TMCC1: variants seen among roughly 807,000 people sequenced by gnomAD.
TMCC1 encodes the protein transmembrane and coiled-coil domains protein 1.
In TMCC1, 15 loss-of-function variants were observed where a neutral mutation model predicts 52.4. That is an observed-to-expected ratio of 0.29 (90% CI 0.19 to 0.44). The LOEUF (loss-of-function observed/expected upper bound fraction) is 0.44, where lower values mean the gene tolerates loss of function less well. TMCC1 is among the 20% of genes least tolerant of loss of function. The probability of loss-of-function intolerance (pLI) is 1.00; values close to 1 mark genes in which losing one functional copy is unlikely to be tolerated. For synonymous variants in TMCC1, 279 were observed against 301.9 expected (o/e 0.92, Z 0.79); for missense variants, 503 against 806.0 (o/e 0.62, Z 4.55).
intron 2 of TMCC1, among the ~76,000 whole-genome samples, chr3:129,851,906 T>C (rs969717552): frequency 7.2e-5 from 11 of 152,104 alleles, no homozygotes; most frequent in African/African-American, 2.2e-4. Flanking sequence ...TCCCAGCACT[T>C]TGGGAGGCTG....
At chr3:129,863,046 C>G (rs908053258) in intron 2 of TMCC1, among the ~76,000 whole-genome samples, 1 of 152,284 alleles carries the variant, frequency 6.6e-6, no homozygotes, top group Middle Eastern at 3.4e-3. Context: ...TCATTGTCTT[C>G]TCCATATGAA....
At chr3:129,731,278 T>C (rs2050515920) in intron 4 of TMCC1, among the ~76,000 whole-genome samples, 1 of 152,216 alleles carries the variant, frequency 6.6e-6, no homozygotes, top group African/African-American at 2.4e-5. Context: ...CACTCATTAT[T>C]AAACTCTTAG....
chr3:129,806,045 A>G (rs1241402141), intron 4 of TMCC1, among the ~76,000 whole-genome samples: 1 of 152,200 alleles, frequency 6.6e-6, no homozygotes, highest in Non-Finnish European at 1.5e-5. Context: ...TGTAAGTGTC[A>G]TTTTCTTTTA....
At chr3:129,820,226 C>T (rs2107814860) in intron 4 of TMCC1, among the ~76,000 whole-genome samples, 1 of 151,400 alleles carries the variant, frequency 6.6e-6, no homozygotes, top group South Asian at 2.1e-4. Flanking sequence ...ATTGTGTAAA[C>T]ATGGTAAGTC....
At chr3:129,811,182 C>T (rs1490631887) in intron 4 of TMCC1, among the ~76,000 whole-genome samples, 3 of 152,140 alleles carry the variant, frequency 2.0e-5, no homozygotes, top group Non-Finnish European at 4.4e-5. Context: ...ATGCACTACT[C>T]CATTGTTAAG....
chr3:129,748,388 A>G (rs2052179568), intron 4 of TMCC1, among the ~76,000 whole-genome samples: 2 of 152,146 alleles, frequency 1.3e-5, no homozygotes, highest in South Asian at 4.1e-4. Context: ...CCCAGGCTCA[A>G]GCGATTCTCC....
At chr3:129,778,386 C>A (rs114111589) in intron 4 of TMCC1, among the ~76,000 whole-genome samples, 55 of 152,274 alleles carry the variant, frequency 3.6e-4, no homozygotes, top group African/African-American at 1.3e-3. Flanking sequence ...ATTATTTTAT[C>A]ACTATGCAAT....
At chr3:129,807,130 C>T (rs901764632) in intron 4 of TMCC1, among the ~76,000 whole-genome samples, 7 of 152,062 alleles carry the variant, frequency 4.6e-5, no homozygotes, top group African/African-American at 1.7e-4. Context: ...CAAAACTAAA[C>T]AATAGTTGTT....
chr3:129,796,258 T>G (rs1272811016), intron 4 of TMCC1, among the ~76,000 whole-genome samples: 1 of 152,218 alleles, frequency 6.6e-6, no homozygotes, highest in African/African-American at 2.4e-5. Context: ...AGCAACAGGC[T>G]ATACCATATA....
rs562926995 is a variant in TMCC1 at position 129,764,836 on chromosome 3, C to G, written c.576+62967G>C. Among the ~76,000 whole-genome samples the G allele has an allele frequency of 1.7e-4, 21 of 124,206 alleles. No homozygotes were observed. In the South Asian group the frequency reaches 4.9e-3, roughly 29 times the overall value. 81.5% of individuals were successfully genotyped at this position (124,206 alleles called of 152,430 possible). Reference sequence around the variant, plus strand: ...TTTTTTTTTGAGATGGGGTCTCACTCTGTCACCCAGGCTAGAGTGTAGTGG... The same window carrying G: ...TTTTTTTTTGAGATGGGGTCTCACTGTGTCACCCAGGCTAGAGTGTAGTGG... On this transcript the variant is annotated intron_variant, in intron 4 of 6. Coordinates refer to ENST00000393238, the MANE Select transcript of TMCC1 (RefSeq NM_001017395.5).
intron 1 of TMCC1, among the ~76,000 whole-genome samples, chr3:129,887,272 A>T (rs2061751196): frequency 6.6e-6 from 1 of 152,122 alleles, no homozygotes. Flanking sequence ...GGCTAGGTGC[A>T]CTGGCTCATG....
intron 4 of TMCC1, among the ~76,000 whole-genome samples, chr3:129,781,471 CCT>C (rs1229006834): frequency 2.0e-5 from 3 of 152,114 alleles, no homozygotes; most frequent in Non-Finnish European, 4.4e-5. Flanking sequence ...TTACCTTCCC[CCT>C]CTTTCAGCTC....
intron 4 of TMCC1, among the ~76,000 whole-genome samples, chr3:129,702,693 T>C (rs1293517041): frequency 1.3e-5 from 2 of 152,132 alleles, no homozygotes; most frequent in Admixed American, 6.6e-5. Flanking sequence ...AAATAAACAT[T>C]TTCTATATTA....
chr3:129,688,609 C>G, intron 4 of TMCC1: 18 of 985,498 alleles, frequency 1.8e-5, no homozygotes, highest in Non-Finnish European at 2.2e-5. Flanking sequence ...CCTGTAGCAA[C>G]TCTTAGAGCT....
intron 4 of TMCC1, among the ~76,000 whole-genome samples, chr3:129,702,069 T>C (rs761566147): frequency 1.3e-5 from 2 of 152,174 alleles, no homozygotes; most frequent in South Asian, 2.1e-4. Context: ...CTGAGGTCCA[T>C]AAAGAATCAA....
chr3:129,773,564 C>T (rs1413032237), intron 4 of TMCC1, among the ~76,000 whole-genome samples: 1 of 152,052 alleles, frequency 6.6e-6, no homozygotes, highest in Non-Finnish European at 1.5e-5. Context: ...TCCCTAAATG[C>T]AAAAAGTGAA....
At chr3:129,826,728 G>A (rs1178118427) in intron 4 of TMCC1, among the ~76,000 whole-genome samples, 1 of 151,276 alleles carries the variant, frequency 6.6e-6, no homozygotes, top group Non-Finnish European at 1.5e-5. Context: ...AAAACCTTAG[G>A]AAAAGTTTAA....
At chr3:129,852,547 A>G (rs2059965076) in intron 2 of TMCC1, among the ~76,000 whole-genome samples, 2 of 152,084 alleles carry the variant, frequency 1.3e-5, no homozygotes, top group African/African-American at 4.8e-5. Flanking sequence ...GGACAGACAT[A>G]AAATAAGCCA....
Position 129,828,834 on chromosome 3 carries a change from T to C in TMCC1, c.-130-326A>G, listed in dbSNP as rs2058771387. 6.6e-6 allele frequency among the ~76,000 whole-genome samples: 1 copy of C among 152,196 alleles called. No individual in the cohort carries two copies. Among genetic ancestry groups the C allele is most frequent in the African/African-American group, 2.4e-5 (1 of 41,444 alleles). On this transcript the variant is annotated intron_variant, in intron 3 of 6. Transcript: ENST00000393238. The surrounding 1 kb of genome is among the most constrained non-coding windows in gnomAD (Gnocchi z 4.1). Reference sequence around the variant, plus strand: ...CTTGGAATGGACACTATAATGGTAGTTGACAGAACAGCCATTGCTTGGGAA... The same window carrying C: ...CTTGGAATGGACACTATAATGGTAGCTGACAGAACAGCCATTGCTTGGGAA...
Sources: gnomAD v4.1 joint callset for allele counts (sites outside exome capture counted in the v4.1 genomes callset) on GRCh38, gnomAD v4.1.1 for gene constraint, Gnocchi (gnomAD v3.1) non-coding constraint, MANE v1.5 for transcripts, NCBI Gene and HGNC (gene_info 2026-07-23, HGNC 2026-07-21) for gene names.